Variants in SPATA6 observed in about 807,000 individuals in gnomAD.
The protein encoded by SPATA6 is spermatogenesis associated 6, also known as spermatogenesis-associated protein 6.
Under a neutral mutation model 65.3 loss-of-function variants are expected in SPATA6, and 56 were observed. The observed-to-expected ratio is 0.86, with a 90% CI of 0.69 to 1.07. SPATA6 has a LOEUF of 1.07. Ranked by LOEUF, SPATA6 falls within the 50% of genes least tolerant of loss-of-function variation. SPATA6 has a pLI of 0.00. For missense variants in SPATA6, 590 were observed against 594.8 expected (o/e 0.99, Z 0.08); for synonymous variants, 199 against 213.2 (o/e 0.93, Z 0.58).
At chr1:48,380,518 T>C (rs1183066274) in intron 9 of SPATA6, among the ~76,000 whole-genome samples, 7 of 152,354 alleles carry the variant, frequency 4.6e-5, no homozygotes, top group African/African-American at 9.6e-5. Context: ...AGCCAACTTA[T>C]AGCAGGATTA....
chr1:48,314,248 GCACCA>G, intron 11 of SPATA6, among the ~76,000 whole-genome samples: 1 of 152,274 alleles, frequency 6.6e-6, no homozygotes, highest in East Asian at 1.9e-4. Context: ...ATTCTTTTCA[GCACCA>G]CACCACACCT....
At chr1:48,284,746 T>C in the SPATA6 span, among the ~76,000 whole-genome samples, 7 of 152,286 alleles carry the variant, frequency 4.6e-5, no homozygotes, top group East Asian at 1.4e-3. Flanking sequence ...TTTGCCTGGT[T>C]ATCACCAGCA....
chr1:48,450,455 TG>T (rs1477902977), intron 3 of SPATA6, among the ~76,000 whole-genome samples: 1 of 152,124 alleles, frequency 6.6e-6, no homozygotes, highest in Non-Finnish European at 1.5e-5. Context: ...AAAAAGGCAT[TG>T]TTTTTTAACA....
intron 9 of SPATA6, among the ~76,000 whole-genome samples, chr1:48,367,717 T>C (rs1163028018): frequency 6.6e-6 from 1 of 152,186 alleles, no homozygotes; most frequent in African/African-American, 2.4e-5. Context: ...GTCTCCTGAG[T>C]ACAGCACACT....
intron 8 of SPATA6, among the ~76,000 whole-genome samples, chr1:48,387,409 T>G (rs758774016): frequency 2.0e-5 from 3 of 152,188 alleles, no homozygotes; most frequent in African/African-American, 4.8e-5. Context: ...CCAGCAGCAC[T>G]GGGGCTGAGG....
intron 11 of SPATA6, among the ~76,000 whole-genome samples, chr1:48,337,404 C>T (rs1392145526): frequency 2.0e-5 from 3 of 151,680 alleles, no homozygotes; most frequent in African/African-American, 4.8e-5. Context: ...AAGAAATCTA[C>T]AAAAAGTATC....
chr1:48,322,914 C>G (rs139704285), intron 11 of SPATA6, among the ~76,000 whole-genome samples: 3,748 of 152,158 alleles, frequency 0.025, 99 homozygotes, highest in African/African-American at 0.067. Context: ...TAAAAAGTCA[C>G]GAAATAACAG....
intron 9 of SPATA6, among the ~76,000 whole-genome samples, chr1:48,379,938 CAACA>C (rs762067505): frequency 5.6e-4 from 85 of 152,234 alleles, no homozygotes; most frequent in Non-Finnish European, 1.1e-3. Flanking sequence ...AAACTCACCA[CAACA>C]AATAAGTATG....
chr1:48,272,329 A>G, the SPATA6 span, among the ~76,000 whole-genome samples: 3 of 152,082 alleles, frequency 2.0e-5, no homozygotes, highest in Admixed American at 6.6e-5. Context: ...GTACCCTTTG[A>G]TCAATATCAC....
rs201001450 is a variant in SPATA6, at chr1:48,305,759, G to A, written c.1286+28C>T. ...ACAGTTATTTTTATCAGAACTATGA[G>A]AAGGATATACATATATTTCATTCAT... On this transcript the variant is annotated intron_variant, in intron 12 of 12. Transcript: ENST00000371847. 3.0e-5 allele frequency: 45 copies of A among 1,497,584 alleles called. No homozygotes were observed. In the East Asian group the frequency reaches 8.0e-4, roughly 27 times the overall value. 92.8% of individuals were successfully genotyped at this position (1,497,584 alleles called of 1,614,324 possible).
chr1:48,467,143 C>CA lies in SPATA6; in HGVS notation c.51+4814dup, dbSNP rs199538051. 5.3e-3 allele frequency among the ~76,000 whole-genome samples: 802 copies of CA among 152,204 alleles called. 20 individuals are homozygous for CA. The highest frequency in any genetic ancestry group is 0.05 in the South Asian group (243 of 4,818). On this transcript the variant is annotated intron_variant, in intron 1 of 12. Coordinates refer to ENST00000371847, the MANE Select transcript of SPATA6 (RefSeq NM_019073.4). ...TCTCCAAAGACTCATTGAGAAAAGT[C>CA]ACTTTCCTCTTAGCAATATATTTTC...
At chr1:48,323,720 C>A (rs1031148390) in intron 11 of SPATA6, among the ~76,000 whole-genome samples, 1 of 150,458 alleles carries the variant, frequency 6.6e-6, no homozygotes, top group South Asian at 2.1e-4. Flanking sequence ...GAGGATACTA[C>A]GAGCGTCTGT....
chr1:48,421,472 C>T (rs1653331255), intron 3 of SPATA6, among the ~76,000 whole-genome samples: 1 of 151,966 alleles, frequency 6.6e-6, no homozygotes. Flanking sequence ...ATTCCAAGAA[C>T]CAGTAGTATT....
intron 3 of SPATA6, chr1:48,436,791 G>A: frequency 6.2e-7 from 1 of 1,614,168 alleles, no homozygotes; most frequent in South Asian, 1.1e-5. Context: ...ATAGAACTCA[G>A]ATGCTGTTAC....
the SPATA6 span, chr1:48,262,810 A>G: frequency 6.6e-6 from 1 of 152,284 alleles, no homozygotes; most frequent in South Asian, 2.1e-4. Context: ...TTTACGTAAC[A>G]CTGCTTTTTA....
chr1:48,467,544 C>T (rs1479576764), intron 1 of SPATA6, among the ~76,000 whole-genome samples: 1 of 151,988 alleles, frequency 6.6e-6, no homozygotes, highest in Admixed American at 6.6e-5. Flanking sequence ...CCAATAATAA[C>T]CATAACCTGG....
At chr1:48,363,204 T>G (rs1418630555) in intron 9 of SPATA6, among the ~76,000 whole-genome samples, 1 of 152,088 alleles carries the variant, frequency 6.6e-6, no homozygotes, top group Non-Finnish European at 1.5e-5. Flanking sequence ...TACGTCTCTT[T>G]GATAAGAATC....
the SPATA6 span, among the ~76,000 whole-genome samples, chr1:48,265,975 T>C: frequency 1.1e-4 from 16 of 152,324 alleles, no homozygotes; most frequent in African/African-American, 3.8e-4. Flanking sequence ...CAATTATGCA[T>C]GGTGAGTAGA....
At chr1:48,302,619 T>C (rs1644967301) in intron 12 of SPATA6, among the ~76,000 whole-genome samples, 1 of 152,184 alleles carries the variant, frequency 6.6e-6, no homozygotes, top group East Asian at 1.9e-4. Flanking sequence ...ATTCAAAGTT[T>C]ATCTAGTTTA....
Sources: gnomAD v4.1 joint callset for allele counts (sites outside exome capture counted in the v4.1 genomes callset) on GRCh38, gnomAD v4.1.1 for gene constraint, MANE v1.5 for transcripts, NCBI Gene and HGNC (gene_info 2026-07-23, HGNC 2026-07-21) for gene names.